The following DNAH11 variants were observed in gnomAD, a reference collection of about 807,000 sequenced individuals.
The protein encoded by DNAH11 is axonemal beta dynein heavy chain 11.
In DNAH11, 442 loss-of-function variants were observed where a neutral mutation model predicts 526.0. The ratio of observed to expected loss-of-function variants is 0.84; its 90% CI spans 0.78 to 0.91. DNAH11 has a LOEUF of 0.91. DNAH11 is among the 40% of genes least tolerant of loss of function. The pLI is 0.00. For synonymous variants in DNAH11, 2,461 were observed against 1,935.9 expected, an observed-to-expected ratio of 1.27 and a Z score of -7.12; for missense variants, 6,989 against 5,448.7, an observed-to-expected ratio of 1.28 and a Z score of -8.90.
At chr7:21,859,006 A>G (rs750627997) in intron 68 of DNAH11, among the ~76,000 whole-genome samples, 2 of 152,208 alleles carry the variant, frequency 1.3e-5, no homozygotes, top group Admixed American at 6.5e-5. Context: ...GGAAAATTCT[A>G]CACCTGACCT....
At chr7:21,653,889 A>G (rs1445254462) in intron 28 of DNAH11, among the ~76,000 whole-genome samples, 1 of 152,194 alleles carries the variant, frequency 6.6e-6, no homozygotes, top group African/African-American at 2.4e-5. Context: ...TTCCTTGCCA[A>G]TATTGGTGTT....
intron 30 of DNAH11, among the ~76,000 whole-genome samples, chr7:21,663,806 A>G (rs1431408139): frequency 5.4e-5 from 8 of 147,158 alleles, no homozygotes; most frequent in African/African-American, 2.0e-4. Flanking sequence ...TATATTTGCC[A>G]TATTTGCTTT....
In DNAH11 at chr7:21,717,874, G is replaced by A. The variant is rs749902467; in HGVS notation, c.7083G>A (p.Leu2361=). The A allele has an allele frequency of 1.4e-5, 22 of 1,613,740 alleles. No homozygotes were observed. Among genetic ancestry groups the A allele is most frequent in the Non-Finnish European group, 1.8e-5 (21 of 1,179,806 alleles). The change falls in exon 43 of 82, where the codon CTG becomes CTA. Residue 2361 remains leucine (L), a synonymous_variant. Coordinates refer to ENST00000409508, the MANE Select transcript of DNAH11 (RefSeq NM_001277115.2). The stretch of plus-strand genomic sequence containing the variant: ...ATGTCCCTGCATGCTTGGATAAACT[G>A]AGAACAAGCTTTAAAACCATCACTT... ...DKYVPACLDK[L]RTSFKTITSI... is the part of the protein sequence containing the mutation.
At chr7:21,605,789 G>A (rs1415457884) in intron 18 of DNAH11, among the ~76,000 whole-genome samples, 2 of 152,092 alleles carry the variant, frequency 1.3e-5, no homozygotes. Context: ...CATTTCCAGA[G>A]CACTTCAATT....
chr7:21,822,496 G>T (rs1790098318), intron 65 of DNAH11, among the ~76,000 whole-genome samples: 3 of 152,166 alleles, frequency 2.0e-5, no homozygotes, highest in African/African-American at 7.2e-5. Context: ...GATTTGGAGA[G>T]GACAAATATC....
Position 21,591,329 on chromosome 7 carries a change from G to C in DNAH11, c.2419G>C (p.Asp807His), listed in dbSNP as rs369849556. ...AGCCACAACGTGGCTGACATGGCAG[G>C]ATGACTGCTGGGGCTACATCGAGAG... ...TAATTWLTWQ[D>H]DCWGYIERVR... Residue 807 changes from aspartate to histidine, a missense_variant, in exon 14 of 82, where the codon GAT becomes CAT. Coordinates refer to ENST00000409508, the MANE Select transcript of DNAH11 (RefSeq NM_001277115.2). 1.6e-4 allele frequency: 259 copies of C among 1,613,808 alleles called. 1 individual carries two copies. The East Asian group carries it at 4.4e-3, about 27-fold the overall frequency.
intron 34 of DNAH11, among the ~76,000 whole-genome samples, chr7:21,690,114 T>C (rs1348154112): frequency 6.6e-6 from 1 of 152,222 alleles, no homozygotes. Context: ...TTTATATTTA[T>C]AATCCCTTTT....
chr7:21,601,039 A>G lies in DNAH11; in HGVS notation c.3285A>G (p.Gln1095=), dbSNP rs1420531668. The change falls in exon 17 of 82, where the codon CAA becomes CAG. Residue 1095 remains glutamine (Q), a synonymous_variant. Transcript: ENST00000409508. ...ACATTTATGAAGCTTTGTATGTTCA[A>G]ATGAGCAAATTTGAGGACTTTAGAG... The part of the protein sequence containing the change: ...QIDIYEALYV[Q]MSKFEDFRVF... 2 of 1,612,042 alleles carry G rather than the reference A, an allele frequency of 1.2e-6. No individual in the cohort carries two copies. The highest frequency in any genetic ancestry group is 1.7e-6 in the Non-Finnish European group (2 of 1,179,572).
chr7:21,687,513 A>T lies in DNAH11; in HGVS notation c.5910A>T (p.Arg1970Ser), dbSNP rs773165066. ...VQVKMIHDAI[R>S]NRKKRFVFLG... is the part of the protein sequence containing the mutation. ...TGAAAATGATTCATGATGCCATCAGAAACAGGAAGAAGAGGTGAGTGGCAT... is the reference window on the plus strand; with the variant it reads ...TGAAAATGATTCATGATGCCATCAGTAACAGGAAGAAGAGGTGAGTGGCAT... The change falls in exon 34 of 82, where the codon AGA becomes AGT. Residue 1970 changes from arginine (R) to serine (S), a missense_variant. Arg to Ser is a moderately radical substitution (Grantham distance 110). Transcript: ENST00000409508. The T allele has an allele frequency of 8.7e-6, 14 of 1,613,456 alleles. No individual in the cohort carries two copies. Among genetic ancestry groups the T allele is most frequent in the Non-Finnish European group, 1.2e-5 (14 of 1,179,684 alleles).
At chr7:21,762,807 T>C (rs1018298517) in intron 54 of DNAH11, among the ~76,000 whole-genome samples, 1 of 152,182 alleles carries the variant, frequency 6.6e-6, no homozygotes, top group African/African-American at 2.4e-5. Context: ...AGATTCATCT[T>C]GGCAATGATT....
rs78046288 is a variant in DNAH11, at chr7:21,732,249, C to A, written c.7441-3391C>A. ...AGGCCTCACTCCTCGTAGCCACTTT[C>A]TCTCTGCATCCTCACATGGCTTTTC... On this transcript the variant is annotated intron_variant, in intron 45 of 81. Coordinates refer to ENST00000409508, the MANE Select transcript of DNAH11 (RefSeq NM_001277115.2). Among the ~76,000 whole-genome samples the A allele has an allele frequency of 1.3e-3, 199 of 152,320 alleles. 1 individual carries two copies. The highest frequency in any genetic ancestry group is 4.6e-3 in the African/African-American group (190 of 41,570).
rs28689873 is a variant in DNAH11, at chr7:21,765,726, G to A, written c.9102+137G>A. 4.0e-3 allele frequency: 4,907 copies of A among 1,225,332 alleles called. 166 individuals are homozygous for A. The African/African-American group carries it at 0.067, about 17-fold the overall frequency. 75.9% of individuals were successfully genotyped at this position (1,225,332 alleles called of 1,614,324 possible). ...TCCTATCAGAAAGCTATCCTGATTT[G>A]TTTAAGATGCTAAACTTATCTGTTA... On this transcript the variant is annotated intron_variant, in intron 55 of 81. Coordinates refer to ENST00000409508, the MANE Select transcript of DNAH11 (RefSeq NM_001277115.2).
At chr7:21,623,298 T>G (rs1786169171) in intron 25 of DNAH11, among the ~76,000 whole-genome samples, 1 of 150,464 alleles carries the variant, frequency 6.6e-6, no homozygotes, top group South Asian at 2.1e-4. Context: ...TGGCAATCAT[T>G]AAAAAGTCAG....
At chr7:21,829,364 A>G (rs1013684807) in intron 65 of DNAH11, among the ~76,000 whole-genome samples, 1 of 152,084 alleles carries the variant, frequency 6.6e-6, no homozygotes, top group African/African-American at 2.4e-5. Flanking sequence ...CATGTTGGCT[A>G]TCTGAATTGT....
Position 21,738,843 on chromosome 7 carries a change from G to A in DNAH11, c.7788G>A (p.Arg2596=). 3 of 1,602,218 alleles carry A rather than the reference G, an allele frequency of 1.9e-6. No homozygotes were observed. The highest frequency in any genetic ancestry group is 2.6e-6 in the Non-Finnish European group (3 of 1,175,108). ...YGTVQPHTLI[R]QHIDYGHWYD... ...CCGTTCAGCCTCACACCCTGATCCG[G>A]CAGCATATTGATTATGGACATTGGT... The change falls in exon 47 of 82, where the codon CGG becomes CGA. Residue 2596 remains arginine (R), a synonymous_variant. Coordinates refer to ENST00000409508, the MANE Select transcript of DNAH11 (RefSeq NM_001277115.2).
chr7:21,792,610 G>T (rs1277527926), intron 61 of DNAH11, among the ~76,000 whole-genome samples: 1 of 152,004 alleles, frequency 6.6e-6, no homozygotes, highest in Non-Finnish European at 1.5e-5. Context: ...TTTCTTCATG[G>T]TTCAATCTTG....
At chr7:21,709,246 A>C (rs147123420) in intron 40 of DNAH11, among the ~76,000 whole-genome samples, 157 of 152,358 alleles carry the variant, frequency 1.0e-3, no homozygotes, top group Admixed American at 1.5e-3. Flanking sequence ...GTAGCCATAA[A>C]AAAGGACAAC....
At chr7:21,554,463 T>G (rs906987692) in intron 2 of DNAH11, among the ~76,000 whole-genome samples, 1 of 152,092 alleles carries the variant, frequency 6.6e-6, no homozygotes, top group Non-Finnish European at 1.5e-5. Context: ...GCATGAGCCC[T>G]GCACCTGGCC....
At chr7:21,612,779 C>T (rs1460629756) in intron 20 of DNAH11, among the ~76,000 whole-genome samples, 1 of 152,032 alleles carries the variant, frequency 6.6e-6, no homozygotes, top group African/African-American at 2.4e-5. Flanking sequence ...TAGATACAAA[C>T]ATACTAAACA....
Sources: allele counts gnomAD v4.1 joint callset (sites outside exome capture counted in the v4.1 genomes callset), GRCh38; gene constraint gnomAD v4.1.1; transcripts MANE v1.5; gene names NCBI Gene and HGNC (gene_info 2026-07-23, HGNC 2026-07-21).